TBC1D22A: variants seen among roughly 807,000 people sequenced by gnomAD.
TBC1D22A encodes TBC1 domain family member 22A.
A neutral mutation model predicts 60.2 loss-of-function variants in TBC1D22A; 38 were observed. That is an observed-to-expected ratio of 0.63 (90% CI 0.49 to 0.83). The LOEUF (loss-of-function observed/expected upper bound fraction) is 0.83, where lower values mean the gene tolerates loss of function less well. Ranked by LOEUF, TBC1D22A falls within the 40% of genes least tolerant of loss-of-function variation. The pLI is 0.00. For synonymous variants in TBC1D22A, 302 were observed against 281.7 expected, an observed-to-expected ratio of 1.07 and a Z score of -0.72; for missense variants, 628 against 701.0, an observed-to-expected ratio of 0.90 and a Z score of 1.18.
intron 7 of TBC1D22A, among the ~76,000 whole-genome samples, chr22:46,909,783 G>A (rs1204868261): frequency 6.6e-6 from 1 of 152,124 alleles, no homozygotes; most frequent in Non-Finnish European, 1.5e-5. Context: ...CCCGTGCCCC[G>A]TGCCTGCCTT....
chr22:46,856,592 CT>C (rs2087581638), intron 4 of TBC1D22A, among the ~76,000 whole-genome samples: 1 of 152,120 alleles, frequency 6.6e-6, no homozygotes, highest in African/African-American at 2.4e-5. Context: ...GTAATTAGAC[CT>C]TGTGAAGTGA....
At chr22:47,165,917 A>G (rs1223615195) in intron 12 of TBC1D22A, among the ~76,000 whole-genome samples, 1 of 152,136 alleles carries the variant, frequency 6.6e-6, no homozygotes, top group African/African-American at 2.4e-5. Flanking sequence ...AATTAAACCA[A>G]TTAACCCTGC....
At chr22:46,995,599 G>C (rs1183198042) in intron 9 of TBC1D22A, among the ~76,000 whole-genome samples, 1 of 152,158 alleles carries the variant, frequency 6.6e-6, no homozygotes, top group African/African-American at 2.4e-5. Flanking sequence ...TGGGAATGCT[G>C]CTGGCCCGAA....
At chr22:46,834,412 G>A (rs926514352) in intron 4 of TBC1D22A, among the ~76,000 whole-genome samples, 2 of 152,126 alleles carry the variant, frequency 1.3e-5, no homozygotes, top group African/African-American at 4.8e-5. Context: ...ACTGAAGAGG[G>A]TAAGAAGAAG....
At chr22:46,815,767 C>G (rs576459132) in intron 4 of TBC1D22A, among the ~76,000 whole-genome samples, 1 of 152,108 alleles carries the variant, frequency 6.6e-6, no homozygotes, top group African/African-American at 2.4e-5. Flanking sequence ...AGGAAAATTC[C>G]AGCTTTATGG....
intron 12 of TBC1D22A, among the ~76,000 whole-genome samples, chr22:47,161,714 CTG>C (rs1441445976): frequency 2.0e-5 from 3 of 152,248 alleles, no homozygotes; most frequent in African/African-American, 7.2e-5. Context: ...CGCCTGGACC[CTG>C]TGTGCCAGCC....
chr22:47,051,047 C>T (rs1447213946), intron 11 of TBC1D22A, among the ~76,000 whole-genome samples: 1 of 152,058 alleles, frequency 6.6e-6, no homozygotes, highest in Non-Finnish European at 1.5e-5. Flanking sequence ...GGCTCTGGGG[C>T]TTCCCCAGGG....
chr22:46,876,863 A>C (rs1010748109), intron 4 of TBC1D22A, among the ~76,000 whole-genome samples: 1 of 152,200 alleles, frequency 6.6e-6, no homozygotes, highest in Admixed American at 6.5e-5. Flanking sequence ...TGCTAGAAAG[A>C]TGTACCAAAC....
At chr22:46,793,878 T>C in intron 3 of TBC1D22A, 37 bp downstream of exon 3, 8 of 1,495,556 alleles carry the variant, frequency 5.3e-6, no homozygotes, top group Non-Finnish European at 7.1e-6. Flanking sequence ...TCTGGGTTTC[T>C]GGCCAAGCTA....
intron 8 of TBC1D22A, among the ~76,000 whole-genome samples, chr22:46,937,862 T>A (rs1477959847): frequency 1.3e-5 from 2 of 151,770 alleles, no homozygotes; most frequent in African/African-American, 4.8e-5. Context: ...AAAAAAAAAT[T>A]AAAGACAGAA....
At chr22:47,102,052 T>C (rs971816090) in intron 11 of TBC1D22A, among the ~76,000 whole-genome samples, 14 of 152,162 alleles carry the variant, frequency 9.2e-5, no homozygotes, top group African/African-American at 3.4e-4. Context: ...GACCTTTGTT[T>C]CAGGGTAGGG....
At chr22:47,108,219 G>C (rs5767497) in intron 11 of TBC1D22A, among the ~76,000 whole-genome samples, 1 of 151,994 alleles carries the variant, frequency 6.6e-6, no homozygotes, top group South Asian at 2.1e-4. Flanking sequence ...CAAGCAAAAT[G>C]AAAGCCTATG....
intron 11 of TBC1D22A, among the ~76,000 whole-genome samples, chr22:47,065,615 G>A (rs2063730538): frequency 1.3e-5 from 2 of 152,254 alleles, no homozygotes; most frequent in African/African-American, 4.8e-5. Flanking sequence ...GGGTCTCCAC[G>A]AGGACTTAGC....
At chr22:46,996,249 G>A (rs2075117984) in intron 9 of TBC1D22A, among the ~76,000 whole-genome samples, 1 of 152,220 alleles carries the variant, frequency 6.6e-6, no homozygotes, top group East Asian at 1.9e-4. Context: ...TGCCCTTACT[G>A]AGGCCAGTGG....
intron 10 of TBC1D22A, among the ~76,000 whole-genome samples, chr22:47,019,921 C>T (rs1162266796): frequency 6.6e-6 from 1 of 150,664 alleles, no homozygotes; most frequent in African/African-American, 2.4e-5. Context: ...ATCCTCCCCT[C>T]TCCCTTAACC....
chr22:46,794,012 C>G (rs2084542806), intron 3 of TBC1D22A, among the ~76,000 whole-genome samples, 171 bp downstream of exon 3: 1 of 152,188 alleles, frequency 6.6e-6, no homozygotes, highest in African/African-American at 2.4e-5. Flanking sequence ...GTGGCCTGCG[C>G]TCTTTCCTAG....
intron 9 of TBC1D22A, among the ~76,000 whole-genome samples, chr22:46,995,744 C>G (rs1406650599): frequency 1.3e-5 from 2 of 152,114 alleles, no homozygotes; most frequent in Non-Finnish European, 2.9e-5. Context: ...CCCTGTCACC[C>G]TTCCTCCACC....
At position 46,997,704 on chromosome 22, in the gene TBC1D22A, T is replaced by C. The variant is rs1164265829; in HGVS notation, c.1196T>C (p.Ile399Thr). Residue 399 changes from isoleucine to threonine, a missense_variant, in exon 10 of 13, where the codon ATT becomes ACT. Coordinates refer to ENST00000337137, the MANE Select transcript of TBC1D22A (RefSeq NM_014346.5). ...ATGTTAGAAGAACTCGTGAGCCGGA[T>C]TGATGGTAAGCCAGCTTCCCGCGCA... The part of the protein sequence containing the change: ...VKMLEELVSR[I>T]DEQVHRHLDQ... 11 of 1,613,868 alleles carry C rather than the reference T, an allele frequency of 6.8e-6. No homozygotes were observed. Among genetic ancestry groups the C allele is most frequent in the Non-Finnish European group, 8.5e-6 (10 of 1,180,008 alleles).
chr22:46,930,441 T>G lies in TBC1D22A; in HGVS notation c.1015+18253T>G, dbSNP rs147806426. Among the ~76,000 whole-genome samples, 359 of 151,832 alleles carry G rather than the reference T, an allele frequency of 2.4e-3. 1 individual carries two copies. Among genetic ancestry groups the G allele is most frequent in the African/African-American group, 8.5e-3 (350 of 41,362 alleles). ...TACTCAACATCCAAGAATTAACCTG[T>G]TTTTTTTCCTTGCATTTATTTATTT... On this transcript the variant is annotated intron_variant, in intron 8 of 12. Transcript: ENST00000337137.
Sources: allele counts gnomAD v4.1 joint callset (sites outside exome capture counted in the v4.1 genomes callset), GRCh38; gene constraint gnomAD v4.1.1; transcripts MANE v1.5; gene names NCBI Gene and HGNC (gene_info 2026-07-23, HGNC 2026-07-21).